Variants in AHRR observed in about 807,000 individuals in gnomAD.
AHRR encodes the protein aryl hydrocarbon receptor repressor, also known as ahR repressor.
A neutral mutation model predicts 44.0 loss-of-function variants in AHRR; 28 were observed. The ratio of observed to expected loss-of-function variants is 0.64; its 90% CI spans 0.47 to 0.87. The LOEUF is 0.87. AHRR is among the 40% of genes least tolerant of loss of function. AHRR has a pLI of 0.00. For synonymous variants in AHRR, 434 were observed against 407.0 expected (o/e 1.07, Z -0.80); for missense variants, 990 against 953.9 (o/e 1.04, Z -0.50).
chr5:401,244 T>TGCCAGCCTGAGGG (rs1407799619), intron 4 of AHRR, among the ~76,000 whole-genome samples: 1 of 152,192 alleles, frequency 6.6e-6, no homozygotes, highest in African/African-American at 2.4e-5. Flanking sequence ...GAGGGGTGGA[T>TGCCAGCCTGAGGG]GCCAGCCTGA....
chr5:343,541 C>T (rs1432080967), intron 1 of AHRR: 3 of 305,002 alleles, frequency 9.8e-6, no homozygotes, highest in Non-Finnish European at 1.8e-5. Flanking sequence ...TGGCTGCGCC[C>T]CGCCCCGCCC....
At position 388,875 on chromosome 5, in the gene AHRR, A is replaced by G. The variant is rs563667357; in HGVS notation, c.351+12159A>G. Reference sequence around the variant, plus strand: ...CCAGATGCCTGAGGACACAATGCTCATGACAAAAGCAGCAGGTGCGGAGGG... The same window carrying G: ...CCAGATGCCTGAGGACACAATGCTCGTGACAAAAGCAGCAGGTGCGGAGGG... On this transcript the variant is annotated intron_variant, in intron 4 of 10. Transcript: ENST00000684583. This position sits in a 1 kb window ranked among gnomAD's most constrained non-coding sequence, Gnocchi z 5.2. 6.6e-6 allele frequency among the ~76,000 whole-genome samples: 1 copy of G among 152,290 alleles called. No homozygotes were observed. Among genetic ancestry groups the G allele is most frequent in the East Asian group, 1.9e-4 (1 of 5,178 alleles).
intron 4 of AHRR, among the ~76,000 whole-genome samples, chr5:391,708 A>G (rs1734467413): frequency 3.0e-4 from 5 of 16,880 alleles, no homozygotes; most frequent in Non-Finnish European, 4.6e-4. Flanking sequence ...GCAGGGCCAG[A>G]GCGTGCATGG....
chr5:337,524 A>G lies in AHRR; in HGVS notation c.-10-6369A>G, dbSNP rs1319693897. Among the ~76,000 whole-genome samples the G allele has an allele frequency of 6.6e-6, 1 of 152,220 alleles. No individual in the cohort carries two copies. Among genetic ancestry groups the G allele is most frequent in the Non-Finnish European group, 1.5e-5 (1 of 68,036 alleles). ...CTCCTGAGTAGCTGAGACTACAGAC[A>G]TGCGCCACCATGCTTGGCTAATTTT... On this transcript the variant is annotated intron_variant, in intron 1 of 10. Transcript: ENST00000684583. This position sits in a 1 kb window ranked among gnomAD's most constrained non-coding sequence, Gnocchi z 4.1.
rs188577805 is a variant in AHRR at position 354,855 on chromosome 5, G to A, written c.244+944G>A. Among the ~76,000 whole-genome samples the A allele has an allele frequency of 3.5e-4, 53 of 152,276 alleles. No individual in the cohort carries two copies. The East Asian group carries it at 9.3e-3, about 27-fold the overall frequency. The stretch of plus-strand genomic sequence containing the variant: ...TGCCTGGGCCCCTGCAGACCTCTGC[G>A]CACCCTCAGACACCCCCAGGGAAGG... On this transcript the variant is annotated intron_variant, in intron 3 of 10. Coordinates refer to ENST00000684583, the MANE Select transcript of AHRR (RefSeq NM_001377236.1).
intron 3 of AHRR, among the ~76,000 whole-genome samples, chr5:368,362 C>G (rs76525374): frequency 6.6e-6 from 1 of 152,026 alleles, no homozygotes; most frequent in South Asian, 2.1e-4. Flanking sequence ...CAGTGTTGAC[C>G]GCTCACTCAT....
intron 10 of AHRR, among the ~76,000 whole-genome samples, 171 bp from the exon 11 acceptor site, chr5:433,682 C>T (rs1736844662): frequency 7.1e-6 from 1 of 141,360 alleles, no homozygotes; most frequent in Non-Finnish European, 1.7e-5. Context: ...GGCACAGCCT[C>T]CTGGGCTGCT....
In AHRR at chr5:415,688, G is replaced by A. The variant is rs951684322; in HGVS notation, c.441+2255G>A. On this transcript the variant is annotated intron_variant, in intron 5 of 10. Transcript: ENST00000684583. ...CCGAATCTGCCTGGTCGGGCGGGAGGCCTAGGGGCGGAGTCTGCCTGGTCG... is the reference window on the plus strand; with the variant it reads ...CCGAATCTGCCTGGTCGGGCGGGAGACCTAGGGGCGGAGTCTGCCTGGTCG... Among the ~76,000 whole-genome samples the A allele has an allele frequency of 1.3e-4, 19 of 151,588 alleles. No individual in the cohort carries two copies. The East Asian group carries it at 3.6e-3, about 29-fold the overall frequency.
At position 344,842 on chromosome 5, in the gene AHRR, T is replaced by TGTGTGGCAG. The variant is rs1256253845; in HGVS notation, c.62+883_62+884insGCAGGTGTG. 3.2e-5 allele frequency among the ~76,000 whole-genome samples: 4 copies of TGTGTGGCAG among 123,362 alleles called. 1 individual carries two copies. Among genetic ancestry groups the TGTGTGGCAG allele is most frequent in the African/African-American group, 1.8e-4 (4 of 22,536 alleles). 80.9% of individuals were successfully genotyped at this position (123,362 alleles called of 152,430 possible). A position where few individuals can be genotyped will look rare whatever the true frequency, so the allele number is the denominator to read the frequency against. On this transcript the variant is annotated intron_variant, in intron 2 of 10. Transcript: ENST00000684583. ...GTGTGTGGGGGACTGTAGGGAGCTG[T>TGTGTGGCAG]GTGTGTGGGGTGTGTGAGACTGTGC...
In AHRR at chr5:411,945, T is replaced by A. The variant is rs996815416; in HGVS notation, c.352-1399T>A. Among the ~76,000 whole-genome samples, 1 of 152,222 alleles carries A rather than the reference T, an allele frequency of 6.6e-6. No homozygotes were observed. Among genetic ancestry groups the A allele is most frequent in the Non-Finnish European group, 1.5e-5 (1 of 68,036 alleles). On this transcript the variant is annotated intron_variant, in intron 4 of 10. Transcript: ENST00000684583. The surrounding 1 kb of genome is among the most constrained non-coding windows in gnomAD (Gnocchi z 4.2). ...GTAGCCTGTGCTTGCTCAGCGTCAGTGGCCATTGCTGCCATGGACAGATCC... is the reference window on the plus strand; with the variant it reads ...GTAGCCTGTGCTTGCTCAGCGTCAGAGGCCATTGCTGCCATGGACAGATCC...
chr5:349,214 T>C (rs11745032), intron 2 of AHRR, among the ~76,000 whole-genome samples: 2 of 152,246 alleles, frequency 1.3e-5, no homozygotes, highest in Non-Finnish European at 2.9e-5. Flanking sequence ...TAAACCCTTG[T>C]TGTGAATATT....
In AHRR at chr5:433,900, T is replaced by C. The variant is rs1021934835; in HGVS notation, c.1160T>C (p.Val387Ala). 8 of 1,515,628 alleles carry C rather than the reference T, an allele frequency of 5.3e-6. No individual in the cohort carries two copies. The highest frequency in any genetic ancestry group is 1.4e-5 in the African/African-American group (1 of 71,146). 93.9% of individuals were successfully genotyped at this position (1,515,628 alleles called of 1,614,324 possible). A position where few individuals can be genotyped will look rare whatever the true frequency, so the allele number is the denominator to read the frequency against. ...QHRMLSRASG[V>A]TGRRETPGPT... The stretch of plus-strand genomic sequence containing the variant: ...AGGATGCTGAGCAGGGCCTCTGGAG[T>C]GACAGGGCGGAGGGAGACTCCAGGA... The change falls in exon 11 of 11, where the codon GTG (valine) becomes GCG (alanine). Residue 387 changes from valine to alanine, a missense_variant. Coordinates refer to ENST00000684583, the MANE Select transcript of AHRR (RefSeq NM_001377236.1).
rs553435875 is a variant in AHRR, at chr5:342,021, C to T, written c.-10-1872C>T. On this transcript the variant is annotated intron_variant, in intron 1 of 10. Transcript: ENST00000684583. The surrounding 1 kb of genome is among the most constrained non-coding windows in gnomAD (Gnocchi z 4.3). ...AAATATTTGGAAAATTTCTAGATAT[C>T]TTTATAGTTTAATTCCATTATGTCA... 1.6e-4 allele frequency among the ~76,000 whole-genome samples: 25 copies of T among 152,136 alleles called. No homozygotes were observed. The highest frequency in any genetic ancestry group is 1.3e-3 in the Admixed American group (20 of 15,294).
At position 338,599 on chromosome 5, in the gene AHRR, T is replaced by C. The variant is rs779168700; in HGVS notation, c.-10-5294T>C. 6.6e-6 allele frequency among the ~76,000 whole-genome samples: 1 copy of C among 152,160 alleles called. No individual in the cohort carries two copies. Among genetic ancestry groups the C allele is most frequent in the African/African-American group, 2.4e-5 (1 of 41,434 alleles). On this transcript the variant is annotated intron_variant, in intron 1 of 10. Coordinates refer to ENST00000684583, the MANE Select transcript of AHRR (RefSeq NM_001377236.1). The surrounding 1 kb of genome is among the most constrained non-coding windows in gnomAD (Gnocchi z 4.1). ...GCTCATACCTGTAATCCCAGCACTC[T>C]TGGAGGCCAAGGTGGGTGAATTGCT...
chr5:397,001 C>T (rs1734734643), intron 4 of AHRR, among the ~76,000 whole-genome samples: 1 of 151,626 alleles, frequency 6.6e-6, no homozygotes, highest in Non-Finnish European at 1.5e-5. Context: ...AGCCCCTGAC[C>T]ATCCACGTTA....
At position 405,776 on chromosome 5, in the gene AHRR, C is replaced by A. The variant is rs915358560; in HGVS notation, c.352-7568C>A. On this transcript the variant is annotated intron_variant, in intron 4 of 10. Coordinates refer to ENST00000684583, the MANE Select transcript of AHRR (RefSeq NM_001377236.1). The surrounding 1 kb of genome is among the most constrained non-coding windows in gnomAD (Gnocchi z 4.5). ...CGCAGACTGTTGAGTTGGTCTTTGACAAGTGTTTCTTTTATATTTTCACGG... is the reference window on the plus strand; with the variant it reads ...CGCAGACTGTTGAGTTGGTCTTTGAAAAGTGTTTCTTTTATATTTTCACGG... 5.1e-4 allele frequency among the ~76,000 whole-genome samples: 77 copies of A among 152,254 alleles called. 1 individual carries two copies. Among genetic ancestry groups the A allele is most frequent in the Non-Finnish European group, 1.9e-4 (13 of 68,042 alleles).
chr5:328,623 A>G (rs1463053722), intron 1 of AHRR, among the ~76,000 whole-genome samples: 2 of 152,048 alleles, frequency 1.3e-5, no homozygotes, highest in African/African-American at 4.8e-5. Flanking sequence ...CATTTCTCTG[A>G]TGATTAGTGA....
At chr5:415,575 T>TGGGGCGGGAGGC (rs1491316789) in intron 5 of AHRR, among the ~76,000 whole-genome samples, 1 of 146,770 alleles carries the variant, frequency 6.8e-6, no homozygotes, top group African/African-American at 2.6e-5. Context: ...ATCTGCCTGG[T>TGGGGCGGGAGGC]CTGCTGGGAG....
intron 7 of AHRR, chr5:427,540 G>T: frequency 6.9e-7 from 1 of 1,442,824 alleles, no homozygotes; most frequent in Non-Finnish European, 9.6e-7. Context: ...GCACACACGC[G>T]GGAATGAACC....
Sources: allele counts gnomAD v4.1 joint callset (sites outside exome capture counted in the v4.1 genomes callset), GRCh38; gene constraint gnomAD v4.1.1; non-coding constraint Gnocchi (gnomAD v3.1); transcripts MANE v1.5; gene names NCBI Gene and HGNC (gene_info 2026-07-23, HGNC 2026-07-21).